Variants in MORN4 observed in about 807,000 individuals in gnomAD.
The protein encoded by MORN4 is MORN repeat containing 4.
MORN4 carries 8 observed loss-of-function variants against 16.4 expected under a neutral mutation model. The observed-to-expected ratio is 0.49, with a 90% CI of 0.29 to 0.88. The LOEUF (loss-of-function observed/expected upper bound fraction) is 0.88, where lower values mean the gene tolerates loss of function less well. MORN4 is among the 40% of genes least tolerant of loss of function. The pLI is 0.09. For missense variants in MORN4, 159 were observed against 182.9 expected (o/e 0.87, Z 0.75); for synonymous variants, 53 against 68.9 (o/e 0.77, Z 1.14).
chr10:97,620,707 G>T (rs1589919276), intron 1 of MORN4, among the ~76,000 whole-genome samples: 2 of 152,084 alleles, frequency 1.3e-5, no homozygotes, highest in East Asian at 3.9e-4. Flanking sequence ...GCCTGGTGCA[G>T]TGACTCACAC....
Position 97,617,167 on chromosome 10 carries a change from TC to T in MORN4, c.182+40del, listed in dbSNP as rs1173036408. The stretch of plus-strand genomic sequence containing the variant: ...AGAGTCCCATTTTTCTGTCAGACCC[TC>T]CCTTATTTAAGGCTAAGAAAGGAAT... On this transcript the variant is annotated intron_variant, in intron 3 of 4. Transcript: ENST00000307450. 4 of 1,491,348 alleles carry T rather than the reference TC, an allele frequency of 2.7e-6. No individual in the cohort carries two copies. In the South Asian group the frequency reaches 4.5e-5, roughly 17 times the overall value. The allele number at this position is 1,491,348 out of a possible 1,614,324, so 92.4% of individuals were successfully genotyped here.
chr10:97,633,409 T>C lies in MORN4; in HGVS notation c.-93A>G, dbSNP rs1417525311. ...CGCAGGGTTCCAGCGCCTCGGACTT[T>C]TCCTCTGATGGGCTCCCGGCTGCCA... is the stretch of plus-strand genomic sequence containing the variant. On this transcript the variant is annotated 5_prime_UTR_variant, in exon 1 of 5. Transcript: ENST00000307450. The surrounding 1 kb of genome is among the most constrained non-coding windows in gnomAD (Gnocchi z 4.5). The C allele has an allele frequency of 3.1e-6, 4 of 1,289,908 alleles. No individual in the cohort carries two copies. The highest frequency in any genetic ancestry group is 4.0e-6 in the Non-Finnish European group (4 of 988,900). 79.9% of individuals were successfully genotyped at this position (1,289,908 alleles called of 1,614,324 possible).
At chr10:97,617,127 G>T in intron 3 of MORN4, 81 bp downstream of exon 3, 2 of 1,057,846 alleles carry the variant, frequency 1.9e-6, no homozygotes, top group South Asian at 2.5e-5. Context: ...GGTCAGGATT[G>T]ACCAGATATT....
At chr10:97,629,283 A>T (rs945014850) in intron 1 of MORN4, among the ~76,000 whole-genome samples, 1 of 152,216 alleles carries the variant, frequency 6.6e-6, no homozygotes, top group Non-Finnish European at 1.5e-5. Flanking sequence ...GCTACTTGGG[A>T]GGCTGAGGCA....
intron 1 of MORN4, among the ~76,000 whole-genome samples, chr10:97,629,109 C>T (rs745709304): frequency 3.3e-5 from 5 of 151,818 alleles, no homozygotes; most frequent in African/African-American, 9.7e-5. Context: ...TGGTGTGGGC[C>T]GGGCGTGGTG....
intron 1 of MORN4, among the ~76,000 whole-genome samples, chr10:97,620,957 C>T (rs2041286453): frequency 6.6e-6 from 1 of 152,022 alleles, no homozygotes; most frequent in South Asian, 2.1e-4. Flanking sequence ...CCCATCTCTA[C>T]TAAAAATACA....
At chr10:97,619,959 ATATT>A (rs2041273673) in intron 1 of MORN4, among the ~76,000 whole-genome samples, 1 of 152,136 alleles carries the variant, frequency 6.6e-6, no homozygotes, top group Admixed American at 6.6e-5. Flanking sequence ...TAATCTACAA[ATATT>A]TATTTGATAC....
At chr10:97,631,445 T>A (rs2041394785) in intron 1 of MORN4, among the ~76,000 whole-genome samples, 1 of 152,202 alleles carries the variant, frequency 6.6e-6, no homozygotes, top group South Asian at 2.1e-4. Context: ...TCATTTTCTT[T>A]TGTCCCAGAC....
At position 97,619,616 on chromosome 10, in the gene MORN4, C is replaced by T; in HGVS notation, c.38G>A (p.Gly13Glu). 1 of 1,614,022 alleles carries T rather than the reference C, an allele frequency of 6.2e-7. No homozygotes were observed. Among genetic ancestry groups the T allele is most frequent in the Non-Finnish European group, 8.5e-7 (1 of 1,179,882 alleles). The part of the protein sequence containing the change: ...LTKGSFTYSS[G>E]EEYRGEWKEG... ...CTTCCACTCGCCACGATATTCCTCC[C>T]CACTGGAGTAGGTGAAGGAACCTTT... Residue 13 changes from glycine (G) to glutamate (E), a missense_variant, in exon 2 of 5, where the codon GGG becomes GAG. Transcript: ENST00000307450.
intron 1 of MORN4, among the ~76,000 whole-genome samples, chr10:97,626,389 A>C (rs78785582): frequency 1.0e-5 from 1 of 100,180 alleles, no homozygotes; most frequent in South Asian, 3.5e-4. Flanking sequence ...AAATAATAAT[A>C]ATAATAATCA....
At chr10:97,616,499 C>T (rs149658463) in intron 4 of MORN4, 88 bp from the exon 5 acceptor site, 162 of 1,458,974 alleles carry the variant, frequency 1.1e-4, no homozygotes, top group Non-Finnish European at 1.4e-4. Context: ...TATGTCCAGG[C>T]CAAAGAAGAG....
intron 4 of MORN4, 76 bp downstream of exon 4, chr10:97,616,602 G>A: frequency 7.4e-7 from 1 of 1,344,822 alleles, no homozygotes; most frequent in Non-Finnish European, 1.1e-6. Flanking sequence ...ACACCCGCAG[G>A]ATTAAAACTA....
chr10:97,630,070 G>A (rs1473527272), intron 1 of MORN4, among the ~76,000 whole-genome samples: 7 of 151,818 alleles, frequency 4.6e-5, no homozygotes, highest in African/African-American at 7.2e-5. Flanking sequence ...GACTACAGGC[G>A]CCCGCCACCA....
intron 1 of MORN4, among the ~76,000 whole-genome samples, chr10:97,629,404 T>C (rs2041375855): frequency 6.6e-6 from 1 of 152,108 alleles, no homozygotes; most frequent in African/African-American, 2.4e-5. Flanking sequence ...AATGGTGGTG[T>C]GTTCTGAGGT....
intron 1 of MORN4, among the ~76,000 whole-genome samples, chr10:97,628,380 C>G (rs2041366192): frequency 6.6e-6 from 1 of 152,150 alleles, no homozygotes; most frequent in South Asian, 2.1e-4. Context: ...TTTACTTTTT[C>G]TCAAGGCTAC....
upstream of MORN4, chr10:97,633,545 G>C: frequency 7.8e-7 from 1 of 1,289,874 alleles, no homozygotes; most frequent in Non-Finnish European, 1.0e-6. The surrounding 1 kb of genome is among the most constrained non-coding windows in gnomAD (Gnocchi z 4.5). Context: ...AGGCAACCGG[G>C]AGCAACGCCA....
At chr10:97,626,721 G>A (rs144183670) in intron 1 of MORN4, among the ~76,000 whole-genome samples, 1,768 of 147,896 alleles carry the variant, frequency 0.012, 26 homozygotes, top group Middle Eastern at 0.023. Flanking sequence ...CTTCCAAAGT[G>A]CTGGGATTAC....
At chr10:97,626,066 CTT>C (rs74855674) in intron 1 of MORN4, among the ~76,000 whole-genome samples, 25 of 140,728 alleles carry the variant, frequency 1.8e-4, no homozygotes, top group Admixed American at 2.2e-4. Flanking sequence ...AGCCTCATGC[CTT>C]TTTTTTTTTT....
intron 1 of MORN4, among the ~76,000 whole-genome samples, chr10:97,624,587 T>C (rs967218827): frequency 6.6e-6 from 1 of 152,138 alleles, no homozygotes; most frequent in Non-Finnish European, 1.5e-5. Flanking sequence ...CCCAGCTACT[T>C]TTCAAATTTT....
Sources: allele counts gnomAD v4.1 joint callset (sites outside exome capture counted in the v4.1 genomes callset), GRCh38; gene constraint gnomAD v4.1.1; non-coding constraint Gnocchi (gnomAD v3.1); transcripts MANE v1.5; gene names NCBI Gene and HGNC (gene_info 2026-07-23, HGNC 2026-07-21).